Variants in GUCY1B1 observed in about 807,000 individuals in gnomAD.
The protein encoded by GUCY1B1 is guanylate cyclase soluble subunit beta-1.
GUCY1B1 carries 43 observed loss-of-function variants against 71.0 expected under a neutral mutation model. The observed-to-expected ratio is 0.61, with a 90% CI of 0.47 to 0.78. The LOEUF is 0.78. GUCY1B1 is among the 30% of genes least tolerant of loss of function. The pLI is 0.00. For synonymous variants in GUCY1B1, 266 were observed against 259.7 expected, an observed-to-expected ratio of 1.02 and a Z score of -0.23; for missense variants, 535 against 754.1, an observed-to-expected ratio of 0.71 and a Z score of 3.40.
At chr4:155,768,023 T>C (rs1579193852) in intron 2 of GUCY1B1, among the ~76,000 whole-genome samples, 1 of 152,262 alleles carries the variant, frequency 6.6e-6, no homozygotes, top group South Asian at 2.1e-4. Context: ...GTTCTGATAA[T>C]GTTGTTTATG....
At chr4:155,791,456 C>T (rs1398805914) in intron 5 of GUCY1B1, among the ~76,000 whole-genome samples, 2 of 145,332 alleles carry the variant, frequency 1.4e-5, no homozygotes, top group African/African-American at 2.5e-5. Context: ...ATCGCCTGGG[C>T]GCAGTGGCTC....
At chr4:155,770,302 A>T (rs750378303) in intron 2 of GUCY1B1, among the ~76,000 whole-genome samples, 1 of 152,220 alleles carries the variant, frequency 6.6e-6, no homozygotes. Flanking sequence ...GGAAGCCATT[A>T]AAACTTTCCT....
rs930161042 is a variant in GUCY1B1, at chr4:155,807,753, T to C, written c.*1344T>C. ...ATATTCTTAAATGCTATATTTCTTT[T>C]TAATACCAACAGAGTGACAGGAAAT... On this transcript the variant is annotated 3_prime_UTR_variant, in exon 14 of 14. Coordinates refer to ENST00000264424, the MANE Select transcript of GUCY1B1 (RefSeq NM_000857.5). Among the ~76,000 whole-genome samples, 2 of 152,146 alleles carry C rather than the reference T, an allele frequency of 1.3e-5. No individual in the cohort carries two copies. Among genetic ancestry groups the C allele is most frequent in the African/African-American group, 2.4e-5 (1 of 41,456 alleles).
chr4:155,775,450 G>T (rs1338312005), intron 3 of GUCY1B1, among the ~76,000 whole-genome samples: 2 of 152,034 alleles, frequency 1.3e-5, no homozygotes, highest in African/African-American at 2.4e-5. Flanking sequence ...GCACCACCAC[G>T]CCCAGCTAAT....
intron 4 of GUCY1B1, among the ~76,000 whole-genome samples, chr4:155,780,571 T>G (rs1358062978): frequency 6.6e-6 from 1 of 152,226 alleles, no homozygotes; most frequent in Non-Finnish European, 1.5e-5. Flanking sequence ...TTAATGTTTG[T>G]ACCTTCACAG....
chr4:155,766,464 C>G (rs1737341899), intron 2 of GUCY1B1, among the ~76,000 whole-genome samples: 2 of 152,188 alleles, frequency 1.3e-5, no homozygotes, highest in Non-Finnish European at 2.9e-5. Context: ...AAGACCTCCC[C>G]TCTTAACAAA....
intron 8 of GUCY1B1, 59 bp downstream of exon 8, chr4:155,796,569 A>G: frequency 2.7e-6 from 3 of 1,121,462 alleles, no homozygotes; most frequent in South Asian, 2.9e-5. Flanking sequence ...CTAACAAAGG[A>G]ATGCCACAAT....
At chr4:155,775,311 A>T (rs1324058868) in intron 3 of GUCY1B1, among the ~76,000 whole-genome samples, 1 of 152,180 alleles carries the variant, frequency 6.6e-6, no homozygotes, top group East Asian at 1.9e-4. Flanking sequence ...GTTTTTTGAG[A>T]CAGGGTCTGG....
chr4:155,793,184 C>T (rs1217696439), intron 5 of GUCY1B1, among the ~76,000 whole-genome samples: 2 of 152,102 alleles, frequency 1.3e-5, no homozygotes, highest in African/African-American at 2.4e-5. Context: ...TCAAGCAATT[C>T]TACTGCCTCA....
At chr4:155,805,514 C>T (rs951664636) in intron 13 of GUCY1B1, among the ~76,000 whole-genome samples, 2 of 152,042 alleles carry the variant, frequency 1.3e-5, no homozygotes, top group Non-Finnish European at 2.9e-5. Context: ...TTTGCTCTTC[C>T]TCTGTAGTCT....
At chr4:155,761,374 A>G (rs1279203135) in intron 2 of GUCY1B1, among the ~76,000 whole-genome samples, 1 of 152,024 alleles carries the variant, frequency 6.6e-6, no homozygotes, top group Non-Finnish European at 1.5e-5. Flanking sequence ...TCTCCATATG[A>G]TGCTTTTGCA....
At chr4:155,803,454 G>T (rs1740093484) in intron 10 of GUCY1B1, among the ~76,000 whole-genome samples, 170 bp from the exon 11 acceptor site, 1 of 152,158 alleles carries the variant, frequency 6.6e-6, no homozygotes, top group Non-Finnish European at 1.5e-5. Context: ...ATAAGTAATT[G>T]CAAGGTTTCA....
At chr4:155,759,982 C>G (rs1439178215) in intron 2 of GUCY1B1, 122 bp downstream of exon 2, 2 of 645,150 alleles carry the variant, frequency 3.1e-6, no homozygotes, top group Non-Finnish European at 2.7e-6. Context: ...GAGGTGCCTC[C>G]GCGCCTCGCT....
chr4:155,765,704 C>T (rs1010386937), intron 2 of GUCY1B1, among the ~76,000 whole-genome samples: 2 of 152,068 alleles, frequency 1.3e-5, no homozygotes, highest in African/African-American at 4.8e-5. Flanking sequence ...TTCAGATAAC[C>T]CAAACATGGA....
At chr4:155,798,706 C>T (rs1179724528) in intron 8 of GUCY1B1, among the ~76,000 whole-genome samples, 1 of 152,038 alleles carries the variant, frequency 6.6e-6, no homozygotes, top group Non-Finnish European at 1.5e-5. Context: ...CCCAGATTCT[C>T]CAAAGACATA....
At chr4:155,780,218 T>C (rs1427005471) in intron 4 of GUCY1B1, among the ~76,000 whole-genome samples, 1 of 152,158 alleles carries the variant, frequency 6.6e-6, no homozygotes, top group Non-Finnish European at 1.5e-5. Flanking sequence ...TTCCTCTCCC[T>C]CTCCCCCAGT....
At chr4:155,796,284 G>T (rs1176123592) in intron 7 of GUCY1B1, 93 bp from the exon 8 acceptor site, 30 of 1,158,270 alleles carry the variant, frequency 2.6e-5, no homozygotes, top group Non-Finnish European at 2.3e-5. Flanking sequence ...CTGCTTTGTG[G>T]TTTGGTGGGA....
In GUCY1B1 at chr4:155,800,056, A is replaced by G; in HGVS notation, c.1157A>G (p.Glu386Gly). Residue 386 changes from glutamate to glycine, a missense_variant, in exon 9 of 14, where the codon GAA becomes GGA. By Grantham distance (98) the Glu-to-Gly change is moderately conservative (BLOSUM62 -2). Coordinates refer to ENST00000264424, the MANE Select transcript of GUCY1B1 (RefSeq NM_000857.5). ...CTCACGTTAAGAGCCCTGGAAGATG[A>G]AAAGAAAAAGACAGACACGTAAGAA... Reference protein sequence around the residue: ...LQLTLRALEDEKKKTDTLLYS... With the variant: ...LQLTLRALEDGKKKTDTLLYS... The G allele has an allele frequency of 6.2e-7, 1 of 1,610,964 alleles. No homozygotes were observed. Among genetic ancestry groups the G allele is most frequent in the Non-Finnish European group, 8.5e-7 (1 of 1,177,918 alleles).
intron 9 of GUCY1B1, among the ~76,000 whole-genome samples, chr4:155,800,999 T>C (rs1739914236): frequency 6.6e-6 from 1 of 152,190 alleles, no homozygotes; most frequent in Non-Finnish European, 1.5e-5. Flanking sequence ...ACATTCATGA[T>C]AAATAGATAA....
Sources: gnomAD v4.1 joint callset for allele counts (sites outside exome capture counted in the v4.1 genomes callset) on GRCh38, gnomAD v4.1.1 for gene constraint, MANE v1.5 for transcripts, NCBI Gene and HGNC (gene_info 2026-07-23, HGNC 2026-07-21) for gene names.